Variants in GPC6 observed in about 807,000 individuals in gnomAD.
GPC6 encodes the protein glypican 6, also known as glypican-6.
Under a neutral mutation model 55.2 loss-of-function variants are expected in GPC6, and 14 were observed. The observed-to-expected ratio is 0.25, with a 90% CI of 0.17 to 0.40. The LOEUF (loss-of-function observed/expected upper bound fraction) is 0.40, where lower values mean the gene tolerates loss of function less well. Among genes scored for constraint, GPC6 ranks in the 10% least tolerant of loss-of-function variants. The pLI is 1.00. For synonymous variants in GPC6, 278 were observed against 259.6 expected (o/e 1.07, Z -0.68); for missense variants, 641 against 708.5 (o/e 0.90, Z 1.08).
intron 3 of GPC6, among the ~76,000 whole-genome samples, chr13:93,882,074 T>C (rs1875014680): frequency 6.6e-6 from 1 of 151,884 alleles, no homozygotes; most frequent in African/African-American, 2.4e-5. Flanking sequence ...TCTTTTCTTT[T>C]CTCTTCTTTT....
intron 2 of GPC6, among the ~76,000 whole-genome samples, chr13:93,757,584 C>CT (rs2138871673): frequency 6.6e-6 from 1 of 152,264 alleles, no homozygotes; most frequent in African/African-American, 2.4e-5. Flanking sequence ...TTGGTTATTC[C>CT]TATCTGTGAG....
chr13:94,044,228 A>G (rs1883643729), intron 4 of GPC6, among the ~76,000 whole-genome samples: 1 of 151,918 alleles, frequency 6.6e-6, no homozygotes, highest in Admixed American at 6.6e-5. Flanking sequence ...ATAAGTAGAT[A>G]TGTGTGTATT....
intron 6 of GPC6, among the ~76,000 whole-genome samples, chr13:94,327,732 T>G (rs957737545): frequency 5.3e-5 from 8 of 152,190 alleles, no homozygotes; most frequent in African/African-American, 1.9e-4. Flanking sequence ...GTCTTTGTTT[T>G]TTCACTTTAT....
At chr13:93,371,502 T>C (rs1442889648) in intron 1 of GPC6, among the ~76,000 whole-genome samples, 2 of 152,148 alleles carry the variant, frequency 1.3e-5, no homozygotes, top group Non-Finnish European at 2.9e-5. Flanking sequence ...GTTTAGAGTT[T>C]CTTATAATTC....
In GPC6 at chr13:93,591,568, T is replaced by C. The variant is rs866598399; in HGVS notation, c.319+46147T>C. Among the ~76,000 whole-genome samples, 4 of 152,336 alleles carry C rather than the reference T, an allele frequency of 2.6e-5. No homozygotes were observed. The Middle Eastern group carries it at 0.014, about 518-fold the overall frequency. On this transcript the variant is annotated intron_variant, in intron 2 of 8. Coordinates refer to ENST00000377047, the MANE Select transcript of GPC6 (RefSeq NM_005708.5). Reference sequence around the variant, plus strand: ...CATAATGACTATAGTCTGATGATTTTATATTCTTGGGGTTTCACATTAACA... The same window carrying C: ...CATAATGACTATAGTCTGATGATTTCATATTCTTGGGGTTTCACATTAACA...
At chr13:94,064,426 G>A (rs752233650) in intron 4 of GPC6, among the ~76,000 whole-genome samples, 4 of 152,086 alleles carry the variant, frequency 2.6e-5, no homozygotes, top group South Asian at 2.1e-4. Context: ...TCCGTAGCTC[G>A]AATGGGGTGC....
intron 3 of GPC6, among the ~76,000 whole-genome samples, chr13:93,890,573 G>T (rs1234217959): frequency 6.6e-6 from 1 of 151,982 alleles, no homozygotes; most frequent in Non-Finnish European, 1.5e-5. Context: ...TGGAATGGGG[G>T]TTAGGACATT....
intron 3 of GPC6, among the ~76,000 whole-genome samples, chr13:93,850,809 G>A (rs1326721054): frequency 6.6e-6 from 1 of 151,842 alleles, no homozygotes; most frequent in Non-Finnish European, 1.5e-5. Context: ...CTTTGATGAA[G>A]TGAGGAGATT....
At chr13:93,782,096 C>G (rs944925025) in intron 2 of GPC6, among the ~76,000 whole-genome samples, 2 of 152,046 alleles carry the variant, frequency 1.3e-5, no homozygotes, top group Admixed American at 6.6e-5. Flanking sequence ...ATCCCCACAC[C>G]CTCTAGCCTC....
At chr13:93,365,985 A>G (rs1402347293) in intron 1 of GPC6, among the ~76,000 whole-genome samples, 1 of 152,054 alleles carries the variant, frequency 6.6e-6, no homozygotes, top group African/African-American at 2.4e-5. Flanking sequence ...TCATAGTCAT[A>G]TTTTACATAT....
At chr13:94,244,206 G>A (rs1891134285) in intron 4 of GPC6, among the ~76,000 whole-genome samples, 1 of 152,118 alleles carries the variant, frequency 6.6e-6, no homozygotes, top group Admixed American at 6.6e-5. Context: ...TCTGTGCTGT[G>A]CCAAGTCAGA....
intron 1 of GPC6, among the ~76,000 whole-genome samples, chr13:93,540,871 C>A (rs12877038): frequency 0.38 from 57,468 of 151,948 alleles, 13,041 homozygotes; most frequent in Middle Eastern, 0.57. Context: ...CCTCTAGTAT[C>A]CTCTGTTCTG....
chr13:93,408,585 G>T (rs1876381597), intron 1 of GPC6, among the ~76,000 whole-genome samples: 1 of 152,192 alleles, frequency 6.6e-6, no homozygotes, highest in African/African-American at 2.4e-5. Flanking sequence ...ACCAGTGGTG[G>T]CTGAATAGGA....
chr13:93,901,521 C>G (rs951166157), intron 3 of GPC6, among the ~76,000 whole-genome samples: 1 of 151,846 alleles, frequency 6.6e-6, no homozygotes, highest in African/African-American at 2.4e-5. Context: ...GTTCTGAAAC[C>G]AATTGTTTGA....
At chr13:93,501,368 G>A (rs1395421542) in intron 1 of GPC6, among the ~76,000 whole-genome samples, 1 of 152,110 alleles carries the variant, frequency 6.6e-6, no homozygotes, top group Non-Finnish European at 1.5e-5. Flanking sequence ...AGAACCAGAA[G>A]TGGTGAGAAA....
At chr13:93,919,013 C>A (rs780734178) in intron 3 of GPC6, among the ~76,000 whole-genome samples, 52 of 152,148 alleles carry the variant, frequency 3.4e-4, no homozygotes, top group Non-Finnish European at 6.2e-4. Context: ...GATCATGGGA[C>A]AGATCCTTCA....
chr13:93,735,666 C>T (rs117509551), intron 2 of GPC6, among the ~76,000 whole-genome samples: 3 of 152,164 alleles, frequency 2.0e-5, no homozygotes, highest in African/African-American at 7.2e-5. Context: ...TTTTGTCCTT[C>T]GTCTTTGAAG....
chr13:94,055,023 A>G (rs933434890), intron 4 of GPC6, among the ~76,000 whole-genome samples: 1 of 152,174 alleles, frequency 6.6e-6, no homozygotes, highest in African/African-American at 2.4e-5. Context: ...AATAATTACC[A>G]TGTGTCTCAG....
At chr13:93,555,681 G>A (rs1875423737) in intron 2 of GPC6, among the ~76,000 whole-genome samples, 5 of 152,126 alleles carry the variant, frequency 3.3e-5, no homozygotes, top group South Asian at 2.1e-4. Flanking sequence ...CAGGATAAAC[G>A]TGTTTTTCTC....
Sources: allele counts gnomAD v4.1 joint callset (sites outside exome capture counted in the v4.1 genomes callset), GRCh38; gene constraint gnomAD v4.1.1; transcripts MANE v1.5; gene names NCBI Gene and HGNC (gene_info 2026-07-23, HGNC 2026-07-21).